The following PDE5A variants were observed in gnomAD, a reference collection of about 807,000 sequenced individuals.
PDE5A encodes the protein cGMP-specific 3',5'-cyclic phosphodiesterase.
In PDE5A, 67 loss-of-function variants were observed where a neutral mutation model predicts 110.2. The ratio of observed to expected loss-of-function variants is 0.61; its 90% CI spans 0.50 to 0.75. The LOEUF is 0.75. Among genes scored for constraint, PDE5A ranks in the 30% least tolerant of loss-of-function variants. The pLI, the probability that PDE5A is intolerant of heterozygous loss-of-function variation, is 0.00. For synonymous variants in PDE5A, 328 were observed against 351.2 expected, an observed-to-expected ratio of 0.93 and a Z score of 0.74; for missense variants, 862 against 1,045.1, an observed-to-expected ratio of 0.82 and a Z score of 2.42.
chr4:119,520,495 C>G (rs1013878748), intron 13 of PDE5A, among the ~76,000 whole-genome samples: 5 of 152,066 alleles, frequency 3.3e-5, no homozygotes, highest in African/African-American at 1.2e-4. Context: ...TTACTGAGTG[C>G]TCCAGAGAAA....
At position 119,495,704 on chromosome 4, in the gene PDE5A, GAC is replaced by G. The variant is rs1379913755; in HGVS notation, c.*2895_*2896del. 1.3e-5 allele frequency: 2 copies of G among 152,478 alleles called. No homozygotes were observed. The highest frequency in any genetic ancestry group is 4.8e-5 in the African/African-American group (2 of 41,542). The allele number at this position is 152,478 out of a possible 1,614,324, so 9.4% of individuals were successfully genotyped here. A position where few individuals can be genotyped will look rare whatever the true frequency, so the allele number is the denominator to read the frequency against. ...AGGAAACTATTATTCAAAATTAAGA[GAC>G]AGTGGTGACAACATCATCATCCTGG... On this transcript the variant is annotated 3_prime_UTR_variant, in exon 21 of 21. Coordinates refer to ENST00000354960, the MANE Select transcript of PDE5A (RefSeq NM_001083.4).
At chr4:119,572,649 A>G (rs1337260863) in intron 3 of PDE5A, among the ~76,000 whole-genome samples, 1 of 152,204 alleles carries the variant, frequency 6.6e-6, no homozygotes. Context: ...TTGCCATCTA[A>G]AACAGTGTTA....
intron 3 of PDE5A, among the ~76,000 whole-genome samples, chr4:119,579,259 A>G (rs1278224744): frequency 2.6e-5 from 4 of 152,200 alleles, no homozygotes; most frequent in East Asian, 1.9e-4. Context: ...AACTAGTTCA[A>G]TCATTGTGGA....
At chr4:119,528,053 C>A (rs199568471) in intron 11 of PDE5A, among the ~76,000 whole-genome samples, 5 of 149,626 alleles carry the variant, frequency 3.3e-5, no homozygotes, top group African/African-American at 2.5e-5. Flanking sequence ...ATATGGAATG[C>A]AAAAAAAAAA....
intron 1 of PDE5A, among the ~76,000 whole-genome samples, chr4:119,615,758 A>C (rs1729920791): frequency 6.6e-6 from 1 of 152,150 alleles, no homozygotes; most frequent in Non-Finnish European, 1.5e-5. Flanking sequence ...CTCCACTTTC[A>C]TGTATAAGTG....
chr4:119,502,542 C>A (rs771315980), intron 19 of PDE5A, 39 bp downstream of exon 19: 36 of 1,188,022 alleles, frequency 3.0e-5, no homozygotes, highest in East Asian at 1.2e-4. Context: ...AAAAAAAAAA[C>A]AATTTGAATA....
intron 12 of PDE5A, among the ~76,000 whole-genome samples, chr4:119,523,389 C>T (rs1726199128): frequency 6.6e-6 from 1 of 152,142 alleles, no homozygotes; most frequent in African/African-American, 2.4e-5. Flanking sequence ...ATGAAATATT[C>T]TTAGTCACAA....
At chr4:119,503,544 T>C (rs75192334) in intron 18 of PDE5A, among the ~76,000 whole-genome samples, 3,455 of 152,220 alleles carry the variant, frequency 0.023, 136 homozygotes, top group African/African-American at 0.078. Context: ...ATAAGAAAAG[T>C]AATTTTGCTT....
intron 11 of PDE5A, among the ~76,000 whole-genome samples, chr4:119,531,568 C>T (rs932621023): frequency 3.2e-4 from 49 of 152,042 alleles, no homozygotes; most frequent in African/African-American, 1.0e-3. Flanking sequence ...TGAGCCACCA[C>T]GCCTGGCCAA....
chr4:119,618,043 A>G (rs917449701), intron 1 of PDE5A, among the ~76,000 whole-genome samples: 2 of 152,124 alleles, frequency 1.3e-5, no homozygotes, highest in African/African-American at 4.8e-5. Flanking sequence ...TGCTTGCATT[A>G]ATATTGACAC....
intron 2 of PDE5A, among the ~76,000 whole-genome samples, chr4:119,602,120 T>G (rs1729367394): frequency 6.6e-6 from 1 of 152,142 alleles, no homozygotes; most frequent in South Asian, 2.1e-4. Context: ...TTGTATCAGA[T>G]TAGATAATAG....
At chr4:119,611,297 C>T (rs1288447842) in intron 1 of PDE5A, among the ~76,000 whole-genome samples, 8 of 152,188 alleles carry the variant, frequency 5.3e-5, no homozygotes, top group Admixed American at 1.3e-4. Flanking sequence ...ATTAGTGCTA[C>T]GTGTTCACTG....
chr4:119,508,133 G>A lies in PDE5A; in HGVS notation c.2089-429C>T, dbSNP rs1193020719. Among the ~76,000 whole-genome samples the A allele has an allele frequency of 2.6e-5, 4 of 151,882 alleles. No individual in the cohort carries two copies. In the South Asian group the frequency reaches 6.2e-4, roughly 24 times the overall value. On this transcript the variant is annotated intron_variant, in intron 15 of 20. Transcript: ENST00000354960. ...AAATAAATCCAGTAACATTTCTGGT[G>A]CAAATTTATATAATTTTAACTTGGT... is the stretch of plus-strand genomic sequence containing the variant.
At chr4:119,566,398 T>G (rs1356161816) in intron 4 of PDE5A, among the ~76,000 whole-genome samples, 1 of 152,142 alleles carries the variant, frequency 6.6e-6, no homozygotes, top group Non-Finnish European at 1.5e-5. Flanking sequence ...GGCTATGATA[T>G]ACACATAATT....
intron 12 of PDE5A, among the ~76,000 whole-genome samples, chr4:119,521,990 C>T (rs1282833846): frequency 6.6e-6 from 1 of 152,002 alleles, no homozygotes; most frequent in African/African-American, 2.4e-5. Flanking sequence ...GAACATTGCC[C>T]TGGGAAATGG....
intron 9 of PDE5A, 34 bp from the exon 10 acceptor site, chr4:119,542,668 T>A (rs1453407219): frequency 6.3e-7 from 1 of 1,585,696 alleles, no homozygotes; most frequent in South Asian, 1.1e-5. Flanking sequence ...CAAATGTTAT[T>A]GTTGATTATC....
intron 14 of PDE5A, among the ~76,000 whole-genome samples, chr4:119,517,973 C>T (rs72678508): frequency 0.014 from 2,113 of 152,156 alleles, 18 homozygotes; most frequent in Middle Eastern, 0.024. Context: ...AGTCAGTTCT[C>T]CAAAACATGA....
chr4:119,500,902 T>C, intron 20 of PDE5A: 1 of 428,564 alleles, frequency 2.3e-6, no homozygotes, highest in East Asian at 4.2e-5. Flanking sequence ...ACAGTATTGC[T>C]CCTTGAGGGT....
Position 119,628,733 on chromosome 4 carries a change from TC to T in PDE5A, c.-63del. On this transcript the variant is annotated 5_prime_UTR_variant, in exon 1 of 21. Coordinates refer to ENST00000354960, the MANE Select transcript of PDE5A (RefSeq NM_001083.4). ...GCTTTTCCACCCCAGCTGGGGTCCG[TC>T]CCTCAGAAGAACAGGACTCGGCCTC... 5.7e-6 allele frequency: 9 copies of T among 1,591,062 alleles called. No individual in the cohort carries two copies. The highest frequency in any genetic ancestry group is 7.7e-6 in the Non-Finnish European group (9 of 1,173,978).
Sources: allele counts gnomAD v4.1 joint callset (sites outside exome capture counted in the v4.1 genomes callset), GRCh38; gene constraint gnomAD v4.1.1; transcripts MANE v1.5; gene names NCBI Gene and HGNC (gene_info 2026-07-23, HGNC 2026-07-21).